LY96: variants seen among roughly 807,000 people sequenced by gnomAD.
LY96 encodes myeloid differentiation protein-2.
LY96 carries 18 observed loss-of-function variants against 18.9 expected under a neutral mutation model. That is an observed-to-expected ratio of 0.95 (90% CI 0.66 to 1.41). LY96 has a LOEUF of 1.41. LY96 is among the 40% of genes most tolerant of loss of function. The pLI, the probability that LY96 is intolerant of heterozygous loss-of-function variation, is 0.00. For missense variants in LY96, 175 were observed against 182.4 expected (o/e 0.96, Z 0.23); for synonymous variants, 66 against 62.6 (o/e 1.06, Z -0.26).
chr8:74,080,992 T>TTC, the LY96 span, among the ~76,000 whole-genome samples: 1 of 75,790 alleles, frequency 1.3e-5, no homozygotes, highest in African/African-American at 7.6e-5. Context: ...CTCTCTTTCT[T>TTC]TCTTTCTTTC....
the LY96 span, among the ~76,000 whole-genome samples, chr8:74,080,976 CTT>C: frequency 5.8e-4 from 83 of 143,172 alleles, no homozygotes; most frequent in Admixed American, 1.5e-3. Context: ...TTCTTTCTTT[CTT>C]TCTCTCTCTT....
the LY96 span, among the ~76,000 whole-genome samples, chr8:74,072,479 G>A: frequency 6.6e-6 from 1 of 152,130 alleles, no homozygotes; most frequent in Non-Finnish European, 1.5e-5. Flanking sequence ...GTCCTCTGTT[G>A]TTGGACATTT....
chr8:74,065,487 A>G, the LY96 span, among the ~76,000 whole-genome samples: 1 of 152,218 alleles, frequency 6.6e-6, no homozygotes, highest in Non-Finnish European at 1.5e-5. Context: ...AAAAGAAATA[A>G]AAGAGTTTCA....
At chr8:74,092,335 G>A in the LY96 span, among the ~76,000 whole-genome samples, 1 of 152,180 alleles carries the variant, frequency 6.6e-6, no homozygotes, top group African/African-American at 2.4e-5. Flanking sequence ...AAGGAAAACA[G>A]GGAAAATGAG....
At chr8:74,097,567 G>A in the LY96 span, among the ~76,000 whole-genome samples, 1 of 152,040 alleles carries the variant, frequency 6.6e-6, no homozygotes, top group Admixed American at 6.6e-5. Context: ...AAATTAGCTG[G>A]GTGTGGTGAT....
chr8:74,063,451 A>T, the LY96 span, among the ~76,000 whole-genome samples: 1 of 149,938 alleles, frequency 6.7e-6, no homozygotes, highest in Non-Finnish European at 1.5e-5. Flanking sequence ...CTTTGTGTTT[A>T]AAAAAAATTT....
chr8:74,017,133 G>A (rs144973822), intron 3 of LY96, among the ~76,000 whole-genome samples: 2,134 of 152,270 alleles, frequency 0.014, 41 homozygotes, highest in Non-Finnish European at 0.021. Flanking sequence ...CGAACCCATC[G>A]CAAGGAAGCT....
chr8:74,008,022 A>G (rs1429033708), intron 2 of LY96, among the ~76,000 whole-genome samples: 2 of 152,182 alleles, frequency 1.3e-5, no homozygotes, highest in African/African-American at 4.8e-5. Flanking sequence ...GGCCTCTCAA[A>G]GTGCTAGGAT....
At position 74,029,017 on chromosome 8, in the gene LY96, T is replaced by G; in HGVS notation, c.446T>G (p.Leu149Trp). 6.2e-7 allele frequency: 1 copy of G among 1,612,108 alleles called. No individual in the cohort carries two copies. Among genetic ancestry groups the G allele is most frequent in the Non-Finnish European group, 8.5e-7 (1 of 1,178,756 alleles). The part of the protein sequence containing the change: ...SGSPEEMLFC[L>W]EFVILHQPNS... ...AGCCCAGAAGAAATGCTCTTTTGCTTGGAGTTTGTCATCCTACACCAACCT... is the reference window on the plus strand; with the variant it reads ...AGCCCAGAAGAAATGCTCTTTTGCTGGGAGTTTGTCATCCTACACCAACCT... The change falls in exon 5 of 5, where the codon TTG (leucine) becomes TGG (tryptophan). Residue 149 changes from leucine to tryptophan, a missense_variant. By Grantham distance (61) the Leu-to-Trp change is moderately conservative. Transcript: ENST00000284818.
chr8:74,068,089 A>ATATATAT, the LY96 span, among the ~76,000 whole-genome samples: 13 of 67,908 alleles, frequency 1.9e-4, no homozygotes, highest in African/African-American at 1.1e-3. Flanking sequence ...AAAAAAAAAA[A>ATATATAT]ATATATATAT....
the LY96 span, among the ~76,000 whole-genome samples, chr8:74,051,454 T>C: frequency 6.6e-6 from 1 of 152,208 alleles, no homozygotes; most frequent in Non-Finnish European, 1.5e-5. Context: ...CTCCAATCCA[T>C]ATATACTTCT....
intron 1 of LY96, among the ~76,000 whole-genome samples, chr8:73,998,682 C>G (rs1162891199): frequency 6.8e-6 from 1 of 147,322 alleles, no homozygotes; most frequent in Admixed American, 6.7e-5. Flanking sequence ...AATCCTGTCT[C>G]TTCTCTCTCA....
downstream of LY96, among the ~76,000 whole-genome samples, chr8:74,033,564 T>C (rs2131290977): frequency 6.6e-6 from 1 of 152,314 alleles, no homozygotes; most frequent in Middle Eastern, 3.4e-3. Flanking sequence ...CTAGGACTGA[T>C]TCTAACTTTA....
the LY96 span, among the ~76,000 whole-genome samples, chr8:74,095,810 G>T: frequency 6.6e-6 from 1 of 152,024 alleles, no homozygotes; most frequent in Non-Finnish European, 1.5e-5. Context: ...ATCTCATTTG[G>T]TCTCATGGCT....
chr8:74,075,795 T>C, the LY96 span, among the ~76,000 whole-genome samples: 2 of 152,200 alleles, frequency 1.3e-5, no homozygotes, highest in Non-Finnish European at 2.9e-5. Context: ...GTTTTAAATA[T>C]AAAGTCAGTC....
chr8:74,046,763 T>C, the LY96 span, among the ~76,000 whole-genome samples: 7 of 152,180 alleles, frequency 4.6e-5, no homozygotes, highest in Non-Finnish European at 7.3e-5. Context: ...TATGAATTTA[T>C]CCTCATAATC....
chr8:74,012,536 G>T (rs1402520904), intron 3 of LY96, among the ~76,000 whole-genome samples: 1 of 152,096 alleles, frequency 6.6e-6, no homozygotes, highest in Non-Finnish European at 1.5e-5. Context: ...GAAGGGTGAG[G>T]GGGTGGATGA....
intron 3 of LY96, among the ~76,000 whole-genome samples, chr8:74,023,331 G>C (rs1816807456): frequency 6.6e-6 from 1 of 152,146 alleles, no homozygotes; most frequent in South Asian, 2.1e-4. Flanking sequence ...CCACAGCCCT[G>C]TTCAGCAGCT....
chr8:73,995,040 G>A (rs552530964), intron 1 of LY96, among the ~76,000 whole-genome samples: 2 of 152,288 alleles, frequency 1.3e-5, no homozygotes, highest in South Asian at 2.1e-4. Flanking sequence ...AGGTGATTAA[G>A]CCATGAAGGC....
Sources: gnomAD v4.1 joint callset for allele counts (sites outside exome capture counted in the v4.1 genomes callset) on GRCh38, gnomAD v4.1.1 for gene constraint, MANE v1.5 for transcripts, NCBI Gene and HGNC (gene_info 2026-07-23, HGNC 2026-07-21) for gene names.